The following KCTD9 variants were observed in gnomAD, a reference collection of about 807,000 sequenced individuals.
KCTD9 encodes the protein potassium channel tetramerization domain containing 9.
In KCTD9, 17 loss-of-function variants were observed where a neutral mutation model predicts 53.3. The ratio of observed to expected loss-of-function variants is 0.32; its 90% CI spans 0.22 to 0.48. KCTD9 has a LOEUF of 0.48. Among genes scored for constraint, KCTD9 ranks in the 20% least tolerant of loss-of-function variants. The probability of loss-of-function intolerance (pLI) is 0.99; values close to 1 mark genes in which losing one functional copy is unlikely to be tolerated. For missense variants in KCTD9, 179 were observed against 465.5 expected (o/e 0.38, Z 5.66); for synonymous variants, 128 against 162.7 (o/e 0.79, Z 1.62).
At chr8:25,451,550 A>G (rs1802320052) in intron 1 of KCTD9, 1 of 152,204 alleles carries the variant, frequency 6.6e-6, no homozygotes, top group Non-Finnish European at 1.5e-5. Context: ...GGCCCTAAGA[A>G]TAGAAGCATT....
intron 2 of KCTD9, among the ~76,000 whole-genome samples, chr8:25,445,340 T>A (rs1463604358): frequency 6.6e-6 from 1 of 152,182 alleles, no homozygotes; most frequent in South Asian, 2.1e-4. Flanking sequence ...ACTGATTAAC[T>A]GCAAAGCAGT....
rs1405038405 is a variant in KCTD9 at position 25,439,891 on chromosome 8, A to C, written c.312-227T>G. 15 of 838,724 alleles carry C rather than the reference A, an allele frequency of 1.8e-5. No homozygotes were observed. The South Asian group carries it at 3.7e-4, about 21-fold the overall frequency. 52.0% of individuals were successfully genotyped at this position (838,724 alleles called of 1,614,324 possible). Reference sequence around the variant, plus strand: ...CATTGTTTTAGTTTCCTTTGCTTTAAATACTTGTCTGTCTATCCTGTAAGC... The same window carrying C: ...CATTGTTTTAGTTTCCTTTGCTTTACATACTTGTCTGTCTATCCTGTAAGC... On this transcript the variant is annotated intron_variant, in intron 4 of 11. Coordinates refer to ENST00000221200, the MANE Select transcript of KCTD9 (RefSeq NM_017634.4).
At position 25,434,212 on chromosome 8, in the gene KCTD9, G is replaced by A. The variant is rs777782917; in HGVS notation, c.814-777C>T. ...CCTCCCAAGTTCAAGTGATTCTCGT[G>A]CCTCAGCCTCCTGAGTAGCTTGAAT... On this transcript the variant is annotated intron_variant, in intron 9 of 11. Transcript: ENST00000221200. Among the ~76,000 whole-genome samples the A allele has an allele frequency of 5.9e-5, 9 of 152,144 alleles. 1 individual carries two copies. Among genetic ancestry groups the A allele is most frequent in the Admixed American group, 5.2e-4 (8 of 15,270 alleles).
At chr8:25,439,952 C>G (rs1046104109) in intron 4 of KCTD9, among the ~76,000 whole-genome samples, 5 of 152,094 alleles carry the variant, frequency 3.3e-5, no homozygotes, top group African/African-American at 1.2e-4. Flanking sequence ...ATCTTCCAAA[C>G]TTACATTTTT....
Position 25,431,111 on chromosome 8 carries a change from A to G in KCTD9, c.1054-1138T>C, listed in dbSNP as rs576461340. On this transcript the variant is annotated intron_variant, in intron 11 of 11. Coordinates refer to ENST00000221200, the MANE Select transcript of KCTD9 (RefSeq NM_017634.4). Reference sequence around the variant, plus strand: ...CTCCCAAAATGCTGGGGTTACAGGCATGAGCCACTGCGCCTGGCCCCAAAG... The same window carrying G: ...CTCCCAAAATGCTGGGGTTACAGGCGTGAGCCACTGCGCCTGGCCCCAAAG... 2.9e-3 allele frequency among the ~76,000 whole-genome samples: 435 copies of G among 152,284 alleles called. 1 individual carries two copies. The highest frequency in any genetic ancestry group is 5.3e-3 in the Non-Finnish European group (362 of 68,014).
At chr8:25,433,693 G>C (rs1233110640) in intron 9 of KCTD9, among the ~76,000 whole-genome samples, 1 of 152,154 alleles carries the variant, frequency 6.6e-6, no homozygotes, top group Admixed American at 6.5e-5. Context: ...CATTTTACAT[G>C]AAACATAACG....
chr8:25,439,782 T>C, intron 4 of KCTD9, 118 bp from the exon 5 acceptor site: 1 of 1,545,818 alleles, frequency 6.5e-7, no homozygotes, highest in South Asian at 1.2e-5. Context: ...TACAACCTGG[T>C]AGGAGTAACG....
intron 1 of KCTD9, chr8:25,457,827 C>T (rs1440904089): frequency 5.7e-6 from 1 of 176,596 alleles, no homozygotes; most frequent in African/African-American, 2.4e-5. Flanking sequence ...CGCCTCCTCC[C>T]GCAGGCGGGA....
chr8:25,454,085 C>T (rs553850272), intron 1 of KCTD9, among the ~76,000 whole-genome samples: 4 of 152,278 alleles, frequency 2.6e-5, no homozygotes, highest in East Asian at 1.9e-4. Context: ...TGGGATCTCA[C>T]TATGTTGCCC....
At chr8:25,452,121 A>T (rs1802336375) in intron 1 of KCTD9, among the ~76,000 whole-genome samples, 2 of 152,220 alleles carry the variant, frequency 1.3e-5, no homozygotes, top group African/African-American at 4.8e-5. Flanking sequence ...CACCACTAGT[A>T]ACTAAATACA....
intron 8 of KCTD9, 75 bp from the exon 9 acceptor site, chr8:25,435,587 C>T: frequency 7.3e-7 from 1 of 1,377,566 alleles, no homozygotes; most frequent in African/African-American, 1.5e-5. Flanking sequence ...TATAGCTAAC[C>T]ACCAAGTTTT....
At chr8:25,453,379 G>T (rs1312773632) in intron 1 of KCTD9, among the ~76,000 whole-genome samples, 1 of 151,766 alleles carries the variant, frequency 6.6e-6, no homozygotes, top group East Asian at 1.9e-4. Context: ...GTGAGGGCCG[G>T]GCACGGTGGC....
chr8:25,441,880 C>T (rs1369520016), intron 3 of KCTD9, among the ~76,000 whole-genome samples: 1 of 151,924 alleles, frequency 6.6e-6, no homozygotes, highest in African/African-American at 2.4e-5. Flanking sequence ...CACACATCTG[C>T]AGTCCCAGCT....
chr8:25,437,325 C>T (rs1802035512), intron 6 of KCTD9, among the ~76,000 whole-genome samples: 1 of 152,116 alleles, frequency 6.6e-6, no homozygotes, highest in African/African-American at 2.4e-5. Flanking sequence ...GGAATGCAGC[C>T]AGGATACGTT....
chr8:25,454,408 T>C (rs1023589787), intron 1 of KCTD9, among the ~76,000 whole-genome samples: 14 of 152,052 alleles, frequency 9.2e-5, no homozygotes, highest in Middle Eastern at 3.4e-3. Context: ...CAGCTCATTA[T>C]TGAATATTCT....
intron 1 of KCTD9, chr8:25,457,402 C>T: frequency 1.0e-6 from 1 of 984,716 alleles, no homozygotes; most frequent in Non-Finnish European, 1.2e-6. Context: ...GAACAACTTT[C>T]ATGGGTGGGG....
At chr8:25,448,028 C>T (rs1033341255) in intron 1 of KCTD9, among the ~76,000 whole-genome samples, 3 of 151,654 alleles carry the variant, frequency 2.0e-5, no homozygotes, top group East Asian at 1.9e-4. Context: ...CTTGGGAGGC[C>T]GAGATGGGAG....
At chr8:25,431,369 G>A (rs967974800) in intron 11 of KCTD9, among the ~76,000 whole-genome samples, 2 of 152,086 alleles carry the variant, frequency 1.3e-5, no homozygotes, top group Non-Finnish European at 2.9e-5. Context: ...ACAGAACAGT[G>A]TAACCACCGC....
intron 9 of KCTD9, among the ~76,000 whole-genome samples, chr8:25,433,786 A>C (rs551332246): frequency 6.6e-6 from 1 of 152,322 alleles, no homozygotes; most frequent in East Asian, 1.9e-4. Context: ...TGACAATGAA[A>C]CAGTCAAAAT....
Sources: gnomAD v4.1 joint callset for allele counts (sites outside exome capture counted in the v4.1 genomes callset) on GRCh38, gnomAD v4.1.1 for gene constraint, MANE v1.5 for transcripts, NCBI Gene and HGNC (gene_info 2026-07-23, HGNC 2026-07-21) for gene names.